Variants in KCNMA1 observed in about 807,000 individuals in gnomAD.
The protein encoded by KCNMA1 is Calcium-activated potassium channel subunit alpha-1.
Under a neutral mutation model 140.0 loss-of-function variants are expected in KCNMA1, and 29 were observed. The ratio of observed to expected loss-of-function variants is 0.21; its 90% CI spans 0.15 to 0.28. KCNMA1 has a LOEUF of 0.28. Among genes scored for constraint, KCNMA1 ranks in the 10% least tolerant of loss-of-function variants. KCNMA1 has a pLI of 1.00. For synonymous variants in KCNMA1, 612 were observed against 611.9 expected (o/e 1.00, Z 0.00); for missense variants, 880 against 1,602.2 (o/e 0.55, Z 7.70).
intron 5 of KCNMA1, among the ~76,000 whole-genome samples, chr10:77,146,941 A>G (rs2098313340): frequency 6.6e-6 from 1 of 152,090 alleles, no homozygotes; most frequent in Non-Finnish European, 1.5e-5. Context: ...TTTCAGAGTC[A>G]TTTATCCCTC....
intron 14 of KCNMA1, among the ~76,000 whole-genome samples, chr10:77,051,762 A>T (rs76070560): frequency 6.6e-6 from 1 of 152,194 alleles, no homozygotes; most frequent in Non-Finnish European, 1.5e-5. Flanking sequence ...GCCAAGGAGC[A>T]TAACCTCTCC....
At chr10:77,418,098 AAC>A (rs1566718676) in intron 1 of KCNMA1, among the ~76,000 whole-genome samples, 1 of 152,224 alleles carries the variant, frequency 6.6e-6, no homozygotes, top group Non-Finnish European at 1.5e-5. Context: ...ACAGCAGCCA[AAC>A]ACAAGAGAGT....
intron 23 of KCNMA1, among the ~76,000 whole-genome samples, chr10:76,940,157 A>G (rs962071212): frequency 6.6e-6 from 1 of 152,232 alleles, no homozygotes; most frequent in Non-Finnish European, 1.5e-5. Context: ...CAACTGTCAC[A>G]TCGGATATAC....
At chr10:77,436,272 T>C (rs1274394961) in intron 1 of KCNMA1, among the ~76,000 whole-genome samples, 1 of 152,230 alleles carries the variant, frequency 6.6e-6, no homozygotes, top group Non-Finnish European at 1.5e-5. Context: ...GAACCCCAGA[T>C]AGAGCTGGGC....
In KCNMA1 at chr10:77,488,954, G is replaced by A. The variant is rs539058723; in HGVS notation, c.379-84931C>T. ...GCCCTTTAGCCCAGTGTGGCTAGCCGGCTCTTCCCAGGCACCCACAGGCCA... is the reference window on the plus strand; with the variant it reads ...GCCCTTTAGCCCAGTGTGGCTAGCCAGCTCTTCCCAGGCACCCACAGGCCA... On this transcript the variant is annotated intron_variant, in intron 1 of 27. Coordinates refer to ENST00000286628, the MANE Select transcript of KCNMA1 (RefSeq NM_001161352.2). Among the ~76,000 whole-genome samples the A allele has an allele frequency of 3.9e-5, 6 of 152,272 alleles. No homozygotes were observed. The East Asian group carries it at 7.7e-4, about 20-fold the overall frequency.
chr10:76,945,934 G>C (rs1181599867), intron 22 of KCNMA1, among the ~76,000 whole-genome samples: 1 of 152,136 alleles, frequency 6.6e-6, no homozygotes, highest in Non-Finnish European at 1.5e-5. Context: ...TAGGATTCGT[G>C]GGGGTGAGGG....
At chr10:77,497,304 G>A (rs1284320700) in intron 1 of KCNMA1, among the ~76,000 whole-genome samples, 2 of 152,226 alleles carry the variant, frequency 1.3e-5, no homozygotes, top group African/African-American at 4.8e-5. Flanking sequence ...TGCCTCTGGA[G>A]TGTCAGGTAC....
chr10:77,244,682 A>C (rs1475025085), intron 3 of KCNMA1, among the ~76,000 whole-genome samples: 1 of 152,196 alleles, frequency 6.6e-6, no homozygotes, highest in African/African-American at 2.4e-5. Context: ...CTTCTCTACC[A>C]GGCTTTCACT....
chr10:77,631,106 C>CAAAAAA (rs397944676), intron 1 of KCNMA1, among the ~76,000 whole-genome samples: 1 of 61,326 alleles, frequency 1.6e-5, no homozygotes, highest in East Asian at 4.7e-4. Flanking sequence ...GACCCTGTCC[C>CAAAAAA]AAAAAAAAAA....
At chr10:77,185,973 A>ACAGAC (rs1003450853) in intron 3 of KCNMA1, among the ~76,000 whole-genome samples, 1 of 152,196 alleles carries the variant, frequency 6.6e-6, no homozygotes, top group African/African-American at 2.4e-5. Context: ...AAGGGAAGCG[A>ACAGAC]CAGACCTCCT....
chr10:77,405,626 T>C (rs1046683897), intron 1 of KCNMA1, among the ~76,000 whole-genome samples: 9 of 152,248 alleles, frequency 5.9e-5, no homozygotes, highest in African/African-American at 1.7e-4. Context: ...TACATTTAAC[T>C]GGACCCCAAC....
At chr10:77,027,746 G>T in intron 16 of KCNMA1, 77 bp downstream of exon 16, 1 of 1,139,644 alleles carries the variant, frequency 8.8e-7, no homozygotes. Flanking sequence ...CAAGAAAGCA[G>T]AAGTGAACCG....
chr10:77,637,260 G>A lies in KCNMA1; in HGVS notation c.378+5C>T, dbSNP rs757766830. On this transcript the variant is annotated splice_donor_5th_base_variant and intron_variant, in intron 1 of 27. Coordinates refer to ENST00000286628, the MANE Select transcript of KCNMA1 (RefSeq NM_001161352.2). ...CAGAGGGCGGGCGCCCGGGGCGCGC[G>A]TTACCTTCGTCTTGCCCCCGCAGTG... is the stretch of plus-strand genomic sequence containing the variant. 1 of 1,601,732 alleles carries A rather than the reference G, an allele frequency of 6.2e-7. No homozygotes were observed. The highest frequency in any genetic ancestry group is 1.7e-4 in the Middle Eastern group (1 of 6,020).
At chr10:77,081,623 T>A (rs1021650818) in intron 12 of KCNMA1, among the ~76,000 whole-genome samples, 1 of 152,160 alleles carries the variant, frequency 6.6e-6, no homozygotes, top group African/African-American at 2.4e-5. Context: ...AGGAAATGGA[T>A]CACGCTAAAG....
At chr10:77,027,550 G>C (rs1025977038) in intron 16 of KCNMA1, among the ~76,000 whole-genome samples, 1 of 152,202 alleles carries the variant, frequency 6.6e-6, no homozygotes, top group African/African-American at 2.4e-5. Context: ...AGGTCGGCAT[G>C]ATCAGGTGGA....
intron 1 of KCNMA1, among the ~76,000 whole-genome samples, chr10:77,567,200 T>A (rs2068649467): frequency 4.6e-5 from 7 of 152,176 alleles, no homozygotes; most frequent in Admixed American, 4.6e-4. Context: ...TGTTCAGATT[T>A]CCCAAGGCGG....
At chr10:77,481,835 T>C (rs1023200332) in intron 1 of KCNMA1, among the ~76,000 whole-genome samples, 22 of 103,614 alleles carry the variant, frequency 2.1e-4, no homozygotes, top group Non-Finnish European at 4.1e-4. Flanking sequence ...TTGATATAAA[T>C]CTCATACGTT....
chr10:77,481,240 T>C (rs74140165), intron 1 of KCNMA1, among the ~76,000 whole-genome samples: 4,780 of 152,120 alleles, frequency 0.031, 93 homozygotes, highest in African/African-American at 0.04. Flanking sequence ...ATAGGACCAA[T>C]CACTTATCTT....
intron 1 of KCNMA1, among the ~76,000 whole-genome samples, chr10:77,618,454 G>A (rs548117450): frequency 6.6e-6 from 1 of 152,266 alleles, no homozygotes; most frequent in East Asian, 1.9e-4. Flanking sequence ...GCGTGGTGTG[G>A]TAACTGGCAA....
Sources: allele counts gnomAD v4.1 joint callset (sites outside exome capture counted in the v4.1 genomes callset), GRCh38; gene constraint gnomAD v4.1.1; transcripts MANE v1.5; gene names NCBI Gene and HGNC (gene_info 2026-07-23, HGNC 2026-07-21).